Variants in LMO7 observed in about 807,000 individuals in gnomAD.
The protein encoded by LMO7 is LIM domain 7, also known as LIM domain only protein 7.
LMO7 carries 120 observed loss-of-function variants against 206.5 expected under a neutral mutation model. That is an observed-to-expected ratio of 0.58 (90% confidence interval 0.50 to 0.68). The LOEUF (loss-of-function observed/expected upper bound fraction) is 0.68. LMO7 is among the 30% of genes least tolerant of loss of function. The pLI is 0.00. For synonymous variants in LMO7, 706 were observed against 681.5 expected, an observed-to-expected ratio of 1.04 and a Z score of -0.56; for missense variants, 1,959 against 1,957.9, an observed-to-expected ratio of 1.00 and a Z score of -0.01.
At chr13:75,851,873 T>C (rs138700674) in intron 27 of LMO7, among the ~76,000 whole-genome samples, 158 of 152,292 alleles carry the variant, frequency 1.0e-3, no homozygotes, top group Admixed American at 2.9e-3. Context: ...ACAGGAGGCA[T>C]GGTCTGGGTT....
chr13:75,685,146 C>T (rs1221981584), intron 1 of LMO7, among the ~76,000 whole-genome samples: 1 of 152,158 alleles, frequency 6.6e-6, no homozygotes, highest in Admixed American at 6.5e-5. Context: ...TGTTAGATAA[C>T]ATGAAAAGAT....
At chr13:75,692,508 C>T (rs2041572112) in intron 1 of LMO7, among the ~76,000 whole-genome samples, 1 of 151,998 alleles carries the variant, frequency 6.6e-6, no homozygotes, top group South Asian at 2.1e-4. Context: ...ATCTCAGCCT[C>T]CCGAGTATCT....
At chr13:75,636,074 GGGGGCGCATCCTCTC>G (rs906319954), upstream of LMO7, 5 of 156,716 alleles carry the variant, frequency 3.2e-5, no homozygotes, top group African/African-American at 1.2e-4. Context: ...ATGCGGGCGC[GGGGGCGCATCCTCTC>G]GGGGCGGAGC....
rs1272625434 is a variant in LMO7, at chr13:75,657,287, C to T, written c.69+20561C>T. ...TGTGAAATAATAAATTTCTGTTGTT[C>T]GAAGTCACTGAGTTGTGGTACTTTA... On this transcript the variant is annotated intron_variant, in intron 1 of 30. Transcript: ENST00000377534. Among the ~76,000 whole-genome samples, 3 of 152,134 alleles carry T rather than the reference C, an allele frequency of 2.0e-5. No individual in the cohort carries two copies. In the South Asian group the frequency reaches 6.2e-4, roughly 32 times the overall value.
intron 1 of LMO7, among the ~76,000 whole-genome samples, chr13:75,693,226 A>G (rs986553722): frequency 1.3e-5 from 2 of 152,248 alleles, no homozygotes; most frequent in African/African-American, 4.8e-5. Context: ...ATAATCCATC[A>G]TCCTTCTTAT....
At chr13:75,762,507 T>C (rs2139741940) in intron 4 of LMO7, among the ~76,000 whole-genome samples, 1 of 152,274 alleles carries the variant, frequency 6.6e-6, no homozygotes. Context: ...GTAGCCTATA[T>C]TTGAGTAGGC....
At chr13:75,747,018 C>T (rs562326882) in intron 3 of LMO7, among the ~76,000 whole-genome samples, 261 of 151,892 alleles carry the variant, frequency 1.7e-3, no homozygotes, top group African/African-American at 6.1e-3. Flanking sequence ...ATACTTAGTC[C>T]GGTTTGTACA....
intron 1 of LMO7, among the ~76,000 whole-genome samples, chr13:75,693,876 T>C (rs2041692642): frequency 6.6e-6 from 1 of 152,208 alleles, no homozygotes; most frequent in Non-Finnish European, 1.5e-5. Flanking sequence ...TCTTGCTGTC[T>C]CTCATTGTAC....
intron 1 of LMO7, among the ~76,000 whole-genome samples, chr13:75,637,557 A>ATTT (rs1374808124): frequency 6.6e-6 from 1 of 152,214 alleles, no homozygotes; most frequent in Non-Finnish European, 1.5e-5. Context: ...GCAGATGTGA[A>ATTT]TCAGGAACAA....
intron 4 of LMO7, among the ~76,000 whole-genome samples, chr13:75,762,063 A>G (rs1336414581): frequency 2.0e-5 from 3 of 152,180 alleles, no homozygotes; most frequent in African/African-American, 7.2e-5. Flanking sequence ...CCAGCAGTAC[A>G]CAGAACAGCC....
chr13:75,679,497 T>A (rs536361371), intron 1 of LMO7, among the ~76,000 whole-genome samples: 32 of 152,226 alleles, frequency 2.1e-4, no homozygotes, highest in Non-Finnish European at 4.4e-4. Context: ...ACCACCTGCA[T>A]CAGAATCATC....
chr13:75,843,493 A>G (rs899953850), intron 25 of LMO7, among the ~76,000 whole-genome samples: 4 of 152,196 alleles, frequency 2.6e-5, no homozygotes, highest in African/African-American at 9.6e-5. Context: ...TCTGTAATCC[A>G]ACATAATCTT....
At chr13:75,805,379 T>C (rs1191287841) in intron 8 of LMO7, 100 bp from the exon 9 acceptor site, 2 of 1,295,492 alleles carry the variant, frequency 1.5e-6, no homozygotes, top group Non-Finnish European at 2.1e-6. Context: ...ATTTGCTTTG[T>C]TCACAGTGGT....
At chr13:75,795,631 G>C (rs1419940221) in intron 5 of LMO7, among the ~76,000 whole-genome samples, 200 bp downstream of exon 5, 1 of 152,178 alleles carries the variant, frequency 6.6e-6, no homozygotes, top group African/African-American at 2.4e-5. Context: ...CCACTTATAA[G>C]GGAGAACGTG....
intron 3 of LMO7, among the ~76,000 whole-genome samples, chr13:75,728,760 T>C (rs2044761789): frequency 7.4e-6 from 1 of 135,886 alleles, no homozygotes; most frequent in Middle Eastern, 3.4e-3. Flanking sequence ...TGGTTTTAGG[T>C]CTAACGTTTA....
chr13:75,812,742 A>G (rs1206771152), intron 11 of LMO7, among the ~76,000 whole-genome samples: 1 of 151,168 alleles, frequency 6.6e-6, no homozygotes, highest in Non-Finnish European at 1.5e-5. Flanking sequence ...AAAAAATTCT[A>G]TTCAACAGAA....
Position 75,808,217 on chromosome 13 carries a change from CA to C in LMO7, c.1916+20del, listed in dbSNP as rs1261776003. The C allele has an allele frequency of 1.3e-6, 2 of 1,583,630 alleles. No homozygotes were observed. Among genetic ancestry groups the C allele is most frequent in the African/African-American group, 2.7e-5 (2 of 73,658 alleles). On this transcript the variant is annotated intron_variant, in intron 10 of 30. Transcript: ENST00000377534. ...GTGGAGAGGTCAGAGTGTGTTTCTGCAAGGATTTTGCTTGTAATGGATGGTC... is the reference window on the plus strand; with the variant it reads ...GTGGAGAGGTCAGAGTGTGTTTCTGCAGGATTTTGCTTGTAATGGATGGTC...
At chr13:75,787,442 G>A (rs1300419939) in intron 4 of LMO7, among the ~76,000 whole-genome samples, 2 of 152,154 alleles carry the variant, frequency 1.3e-5, no homozygotes, top group Non-Finnish European at 2.9e-5. Context: ...CTCTTTAAGT[G>A]AAACTATGCT....
At chr13:75,630,677 AAAAC>A (rs1008922344) in intron 2 of LMO7, among the ~76,000 whole-genome samples, 2 of 152,150 alleles carry the variant, frequency 1.3e-5, no homozygotes, top group African/African-American at 2.4e-5. Context: ...AAAACAAAAC[AAAAC>A]AAACAAAAAA....
Sources: gnomAD v4.1 joint callset for allele counts (sites outside exome capture counted in the v4.1 genomes callset) on GRCh38, gnomAD v4.1.1 for gene constraint, MANE v1.5 for transcripts, NCBI Gene and HGNC (gene_info 2026-07-23, HGNC 2026-07-21) for gene names.